Variants in DGKH observed in about 807,000 individuals in gnomAD.
DGKH encodes diacylglycerol kinase eta, also known as DAG kinase eta.
A neutral mutation model predicts 159.3 loss-of-function variants in DGKH; 90 were observed. The ratio of observed to expected loss-of-function variants is 0.57; its 90% confidence interval spans 0.48 to 0.67. DGKH has a LOEUF of 0.67. Among genes scored for constraint, DGKH ranks in the 30% least tolerant of loss-of-function variants. The pLI is 0.00. For synonymous variants in DGKH, 536 were observed against 553.8 expected (o/e 0.97, Z 0.45); for missense variants, 1,181 against 1,506.1 (o/e 0.78, Z 3.57).
chr13:42,080,181 T>TGTTGGTGCCC (rs2137717375), intron 1 of DGKH, among the ~76,000 whole-genome samples: 1 of 152,376 alleles, frequency 6.6e-6, no homozygotes, highest in Non-Finnish European at 1.5e-5. Flanking sequence ...CTTCCTCATC[T>TGTTGGTGCCC]GTTGGTGCCC....
chr13:42,231,781 TAA>T lies in DGKH; in HGVS notation c.*2595_*2596del, dbSNP rs1021134066. ...TAGGTGACATCTTTTGTATATGCTG[TAA>T]AGTCTCAGTTAATGGAATCCTACAG... On this transcript the variant is annotated 3_prime_UTR_variant, in exon 30 of 30. Transcript: ENST00000337343. The T allele has an allele frequency of 1.2e-4, 18 of 152,214 alleles. No homozygotes were observed. The highest frequency in any genetic ancestry group is 3.9e-4 in the African/African-American group (16 of 41,452). The allele number at this position is 152,214 out of a possible 1,614,324, so 9.4% of individuals were successfully genotyped here.
At chr13:42,069,235 T>G (rs1882794510) in intron 1 of DGKH, 6 of 1,146,000 alleles carry the variant, frequency 5.2e-6, no homozygotes, top group Middle Eastern at 3.0e-4. Context: ...TTTTCCTTCT[T>G]AACTTGTTCA....
chr13:42,167,768 A>G (rs1338207369), intron 9 of DGKH, among the ~76,000 whole-genome samples: 1 of 152,024 alleles, frequency 6.6e-6, no homozygotes, highest in African/African-American at 2.4e-5. Context: ...TAGTTCCATT[A>G]TCTTATAGTC....
intron 28 of DGKH, among the ~76,000 whole-genome samples, chr13:42,220,466 A>G (rs1957938029): frequency 1.3e-5 from 2 of 152,236 alleles, no homozygotes; most frequent in African/African-American, 2.4e-5. Flanking sequence ...TGTTTATACA[A>G]TGGTAGCTGC....
At chr13:42,129,116 G>A (rs1246476275) in intron 2 of DGKH, among the ~76,000 whole-genome samples, 2 of 152,334 alleles carry the variant, frequency 1.3e-5, no homozygotes, top group East Asian at 1.9e-4. Flanking sequence ...AGGTTCAGAA[G>A]GTTCAGTTAC....
At chr13:42,184,914 A>C (rs1956875031) in intron 13 of DGKH, among the ~76,000 whole-genome samples, 1 of 152,174 alleles carries the variant, frequency 6.6e-6, no homozygotes, top group East Asian at 1.9e-4. Flanking sequence ...ACATTGATTA[A>C]AGATATAATT....
chr13:42,118,175 C>T (rs917019973), intron 1 of DGKH, among the ~76,000 whole-genome samples: 1 of 152,060 alleles, frequency 6.6e-6, no homozygotes, highest in African/African-American at 2.4e-5. Context: ...CCAGGTCGCA[C>T]CACTGCACTC....
chr13:42,197,267 A>AAAAAAAAG (rs922365530), intron 17 of DGKH, among the ~76,000 whole-genome samples: 64 of 135,394 alleles, frequency 4.7e-4, no homozygotes, highest in East Asian at 2.3e-3. Context: ...AAAAAAAAAA[A>AAAAAAAAG]AAAGAAAGAA....
intron 1 of DGKH, among the ~76,000 whole-genome samples, chr13:42,120,756 T>C (rs932359191): frequency 6.6e-6 from 1 of 152,210 alleles, no homozygotes; most frequent in Non-Finnish European, 1.5e-5. Context: ...TTTTTAGTTA[T>C]GGTAGATCTC....
chr13:42,161,021 T>C (rs1156821094), intron 7 of DGKH, among the ~76,000 whole-genome samples: 2 of 152,210 alleles, frequency 1.3e-5, no homozygotes, highest in Non-Finnish European at 2.9e-5. Flanking sequence ...CCTCATGCTT[T>C]TGTTATTCTT....
At chr13:42,096,063 T>C (rs1163688969) in intron 1 of DGKH, among the ~76,000 whole-genome samples, 1 of 152,192 alleles carries the variant, frequency 6.6e-6, no homozygotes, top group Non-Finnish European at 1.5e-5. Flanking sequence ...CAACAAGTAA[T>C]GTTTTGTCTT....
At chr13:42,140,921 T>A (rs986364592) in intron 3 of DGKH, 1 of 151,278 alleles carries the variant, frequency 6.6e-6, no homozygotes, top group Non-Finnish European at 1.5e-5. Flanking sequence ...TTATTTATTT[T>A]TTATTTTTTT....
chr13:42,130,515 A>G (rs1288575621), intron 3 of DGKH, among the ~76,000 whole-genome samples: 2 of 152,110 alleles, frequency 1.3e-5, no homozygotes, highest in African/African-American at 2.4e-5. Context: ...GCTACTTTTT[A>G]TAACTACATA....
chr13:42,174,130 T>G lies in DGKH; in HGVS notation c.1438T>G (p.Ser480Ala), dbSNP rs940574531. The G allele has an allele frequency of 4.3e-6, 7 of 1,613,454 alleles. No individual in the cohort carries two copies. In the Admixed American group the frequency reaches 8.3e-5, roughly 19 times the overall value. Residue 480 changes from serine to alanine, a missense_variant, in exon 12 of 30, where the codon TCT (serine) becomes GCT (alanine). Around this residue, in one of 5 missense-constraint regions of DGKH, gnomAD observed 369 missense variants for 519.4 expected, o/e 0.71. Coordinates refer to ENST00000337343, the MANE Select transcript of DGKH (RefSeq NM_178009.5). ...CCTACTTCCAGGACCTCCAGAAGCA[T>G]CTGAAGAATTTTATGTAAGACTTAA... ...ASLLPGPPEASEEFYMTIYED... is the reference protein window; with the variant it reads ...ASLLPGPPEAAEEFYMTIYED...
At chr13:42,065,047 G>T (rs1320315501) in intron 1 of DGKH, among the ~76,000 whole-genome samples, 3 of 152,116 alleles carry the variant, frequency 2.0e-5, no homozygotes, top group Non-Finnish European at 2.9e-5. Flanking sequence ...CCTTCAGCCT[G>T]GCATACAGTA....
chr13:42,049,685 C>T (rs1448007057), intron 1 of DGKH, among the ~76,000 whole-genome samples: 1 of 152,194 alleles, frequency 6.6e-6, no homozygotes, highest in African/African-American at 2.4e-5. Flanking sequence ...CAGAACCATG[C>T]GTCCATGGTT....
In DGKH at chr13:42,141,490, C is replaced by T. The variant is rs564012139; in HGVS notation, c.384+11858C>T. Reference sequence around the variant, plus strand: ...GGAATCACCACACTGACTTCCACAACGGTTGAACTAGTTTACAGTCCCACC... The same window carrying T: ...GGAATCACCACACTGACTTCCACAATGGTTGAACTAGTTTACAGTCCCACC... On this transcript the variant is annotated intron_variant, in intron 3 of 29. Transcript: ENST00000337343. Among the ~76,000 whole-genome samples, 116 of 152,222 alleles carry T rather than the reference C, an allele frequency of 7.6e-4. 2 individuals carry two copies. In the South Asian group the frequency reaches 0.021, roughly 27 times the overall value.
intron 1 of DGKH, among the ~76,000 whole-genome samples, chr13:42,072,764 A>G (rs1381472455): frequency 6.6e-6 from 1 of 152,194 alleles, no homozygotes; most frequent in African/African-American, 2.4e-5. Context: ...AGAAAAAGGG[A>G]TTTTCAACTA....
chr13:42,097,213 T>A (rs1788942412), intron 1 of DGKH, among the ~76,000 whole-genome samples: 1 of 152,238 alleles, frequency 6.6e-6, no homozygotes, highest in Admixed American at 6.5e-5. Context: ...TGTCTTGAAT[T>A]AGCTCTTCCT....
Sources: allele counts gnomAD v4.1 joint callset (sites outside exome capture counted in the v4.1 genomes callset), GRCh38; gene constraint gnomAD v4.1.1; regional missense constraint gnomAD v4.1.1; transcripts MANE v1.5; gene names NCBI Gene and HGNC (gene_info 2026-07-23, HGNC 2026-07-21).